Variants in ZNF423 observed in about 807,000 individuals in gnomAD.
The protein encoded by ZNF423 is Ebf-associated zinc finger protein.
Under a neutral mutation model 95.8 loss-of-function variants are expected in ZNF423, and 12 were observed. The observed-to-expected ratio is 0.13, with a 90% confidence interval of 0.08 to 0.20. The LOEUF is 0.20. Ranked by LOEUF, ZNF423 falls within the 10% of genes least tolerant of loss-of-function variation. ZNF423 has a pLI of 1.00. For synonymous variants in ZNF423, 749 were observed against 711.9 expected (o/e 1.05, Z -0.83); for missense variants, 1,316 against 1,737.1 (o/e 0.76, Z 4.31).
At chr16:49,622,814 T>C (rs1489777384) in intron 5 of ZNF423, among the ~76,000 whole-genome samples, 1 of 152,174 alleles carries the variant, frequency 6.6e-6, no homozygotes, top group African/African-American at 2.4e-5. Flanking sequence ...CTAGTGCCCA[T>C]GTAAAGTGCC....
intron 2 of ZNF423, among the ~76,000 whole-genome samples, chr16:49,735,017 A>G (rs2033252549): frequency 6.6e-6 from 1 of 152,094 alleles, no homozygotes; most frequent in African/African-American, 2.4e-5. Flanking sequence ...TAACCACTCT[A>G]CTACATGGTT....
At chr16:49,527,156 C>G (rs1029059976) in intron 5 of ZNF423, among the ~76,000 whole-genome samples, 2 of 152,100 alleles carry the variant, frequency 1.3e-5, no homozygotes, top group African/African-American at 4.8e-5. Flanking sequence ...CCGGGCACCC[C>G]ACCGCAGAGG....
intron 5 of ZNF423, among the ~76,000 whole-genome samples, chr16:49,618,337 C>T (rs565557728): frequency 5.9e-5 from 9 of 152,180 alleles, no homozygotes; most frequent in Admixed American, 2.6e-4. Flanking sequence ...CTGACTGATA[C>T]GGTTTAGCTC....
At chr16:49,749,820 T>G (rs1312083283) in intron 2 of ZNF423, among the ~76,000 whole-genome samples, 3 of 152,098 alleles carry the variant, frequency 2.0e-5, no homozygotes, top group Non-Finnish European at 4.4e-5. Context: ...GGGGTTTCTA[T>G]CTTAGAAAAG....
chr16:49,702,326 C>A (rs74417870), intron 3 of ZNF423, among the ~76,000 whole-genome samples: 1 of 152,172 alleles, frequency 6.6e-6, no homozygotes, highest in Non-Finnish European at 1.5e-5. Context: ...CAGCCAGGGA[C>A]GGGAGAAGTG....
At chr16:49,776,071 G>A (rs988008859) in intron 2 of ZNF423, among the ~76,000 whole-genome samples, 20 of 152,348 alleles carry the variant, frequency 1.3e-4, no homozygotes, top group Non-Finnish European at 1.5e-4. Context: ...TTTAGGGAGA[G>A]GAGATGCAGG....
chr16:49,704,909 A>T (rs2032302624), intron 3 of ZNF423, among the ~76,000 whole-genome samples: 1 of 151,752 alleles, frequency 6.6e-6, no homozygotes, highest in Non-Finnish European at 1.5e-5. Flanking sequence ...GCCACCTAGA[A>T]CTCCCTGGGC....
At chr16:49,749,049 C>T (rs538063467) in intron 2 of ZNF423, among the ~76,000 whole-genome samples, 11 of 152,302 alleles carry the variant, frequency 7.2e-5, no homozygotes, top group African/African-American at 2.6e-4. Flanking sequence ...ATCTCCACGG[C>T]ATTAAATAAA....
chr16:49,746,741 C>T (rs955682057), intron 2 of ZNF423, among the ~76,000 whole-genome samples: 2 of 152,118 alleles, frequency 1.3e-5, no homozygotes, highest in African/African-American at 2.4e-5. Context: ...CAAAGTGCTG[C>T]GGTTACAGGC....
At chr16:49,702,712 C>T (rs565508131) in intron 3 of ZNF423, among the ~76,000 whole-genome samples, 1 of 152,376 alleles carries the variant, frequency 6.6e-6, no homozygotes, top group South Asian at 2.1e-4. Context: ...GAATTAGCTG[C>T]CTAGGTGATG....
chr16:49,692,731 G>C (rs548492121), intron 3 of ZNF423, among the ~76,000 whole-genome samples: 2 of 152,224 alleles, frequency 1.3e-5, no homozygotes, highest in Non-Finnish European at 2.9e-5. Flanking sequence ...CAACATGCTA[G>C]ACAAAAGGCC....
At chr16:49,810,297 T>A (rs1292647978) in intron 1 of ZNF423, among the ~76,000 whole-genome samples, 2 of 152,008 alleles carry the variant, frequency 1.3e-5, no homozygotes, top group Non-Finnish European at 2.9e-5. Flanking sequence ...CTCCTGATGC[T>A]CCAAGCCATG....
chr16:49,513,440 C>A (rs1045515940), intron 7 of ZNF423, among the ~76,000 whole-genome samples: 1 of 152,208 alleles, frequency 6.6e-6, no homozygotes, highest in Non-Finnish European at 1.5e-5. Flanking sequence ...TTATAATTAT[C>A]TGGCTGGATC....
intron 2 of ZNF423, among the ~76,000 whole-genome samples, chr16:49,744,276 T>A (rs1410751119): frequency 6.6e-6 from 1 of 152,236 alleles, no homozygotes; most frequent in Non-Finnish European, 1.5e-5. Flanking sequence ...GCATGACACG[T>A]CTGCCACAGA....
chr16:49,532,913 G>A (rs192117165), intron 5 of ZNF423, among the ~76,000 whole-genome samples: 51 of 152,244 alleles, frequency 3.3e-4, no homozygotes, highest in Non-Finnish European at 5.9e-4. Flanking sequence ...GCAAACGAAC[G>A]CTACCCCATG....
intron 5 of ZNF423, among the ~76,000 whole-genome samples, chr16:49,525,813 G>A (rs1313225531): frequency 6.6e-6 from 1 of 152,214 alleles, no homozygotes; most frequent in Admixed American, 6.5e-5. Flanking sequence ...CTGTGCAGAG[G>A]CACCCAGGAT....
chr16:49,556,494 C>A (rs1158739534), intron 5 of ZNF423, among the ~76,000 whole-genome samples: 3 of 152,164 alleles, frequency 2.0e-5, no homozygotes, highest in African/African-American at 7.2e-5. Context: ...TCGGAGGCCC[C>A]CACAGCCCCC....
In ZNF423 at chr16:49,817,381, G is replaced by A. The variant is rs1488168710; in HGVS notation, c.41-27835C>T. On this transcript the variant is annotated intron_variant, in intron 1 of 7. Transcript: ENST00000563137. ...GCATTTGGTTACATCTGATTTTAAC[G>A]TGCACTTGCAGAAGTCCACTCTCTG... Among the ~76,000 whole-genome samples, 4 of 152,304 alleles carry A rather than the reference G, an allele frequency of 2.6e-5. No homozygotes were observed. The Middle Eastern group carries it at 0.01, about 389-fold the overall frequency.
chr16:49,834,058 G>T (rs977106401), intron 1 of ZNF423, among the ~76,000 whole-genome samples: 2 of 152,240 alleles, frequency 1.3e-5, no homozygotes, highest in Non-Finnish European at 1.5e-5. Flanking sequence ...AGGACAGAGT[G>T]AAGATCCCAA....
Sources: gnomAD v4.1 joint callset for allele counts (sites outside exome capture counted in the v4.1 genomes callset) on GRCh38, gnomAD v4.1.1 for gene constraint, MANE v1.5 for transcripts, NCBI Gene and HGNC (gene_info 2026-07-23, HGNC 2026-07-21) for gene names.